THSD7A: variants seen among roughly 807,000 people sequenced by gnomAD.
THSD7A encodes the protein thrombospondin type 1 domain containing 7A.
In THSD7A, 96 loss-of-function variants were observed where a neutral mutation model predicts 231.3. The ratio of observed to expected loss-of-function variants is 0.41; its 90% CI spans 0.35 to 0.49. The LOEUF (loss-of-function observed/expected upper bound fraction) is 0.49, where lower values mean the gene tolerates loss of function less well. THSD7A is among the 20% of genes least tolerant of loss of function. THSD7A has a pLI of 0.05. For missense variants in THSD7A, 2,290 were observed against 2,070.2 expected (o/e 1.11, Z -2.06); for synonymous variants, 940 against 743.3 (o/e 1.26, Z -4.30).
At chr7:11,621,078 T>C (rs1781292285) in intron 2 of THSD7A, among the ~76,000 whole-genome samples, 1 of 152,220 alleles carries the variant, frequency 6.6e-6, no homozygotes, top group African/African-American at 2.4e-5. Flanking sequence ...TTAGGCAATG[T>C]TTTCTTTTCA....
At chr7:11,798,605 G>A (rs1261601608) in intron 1 of THSD7A, among the ~76,000 whole-genome samples, 1 of 151,780 alleles carries the variant, frequency 6.6e-6, no homozygotes, top group Non-Finnish European at 1.5e-5. Flanking sequence ...TAGGTGATTT[G>A]AACAATATTG....
chr7:11,788,777 G>A (rs1783865412), intron 1 of THSD7A, among the ~76,000 whole-genome samples: 1 of 151,664 alleles, frequency 6.6e-6, no homozygotes, highest in Non-Finnish European at 1.5e-5. Flanking sequence ...TGTAAAATGG[G>A]GACAATAATA....
intron 16 of THSD7A, 49 bp from the exon 17 acceptor site, chr7:11,417,652 A>G: frequency 6.4e-7 from 1 of 1,557,996 alleles, no homozygotes; most frequent in East Asian, 2.3e-5. Flanking sequence ...ACATTCTAGA[A>G]GTAAAGAAAA....
chr7:11,796,137 G>C (rs1784119274), intron 1 of THSD7A, among the ~76,000 whole-genome samples: 1 of 145,558 alleles, frequency 6.9e-6, no homozygotes, highest in Non-Finnish European at 1.5e-5. Context: ...AGGAAGCATT[G>C]ATTAATCTTC....
rs143026117 is a variant in THSD7A at position 11,384,885 on chromosome 7, C to G, written c.4412-2269G>C. ...TCTCAGATTACATTAACAACCTGTTCAAATTGCATAGATTTTATAGGTAAA... is the reference window on the plus strand; with the variant it reads ...TCTCAGATTACATTAACAACCTGTTGAAATTGCATAGATTTTATAGGTAAA... On this transcript the variant is annotated intron_variant, in intron 23 of 27. Coordinates refer to ENST00000423059, the MANE Select transcript of THSD7A (RefSeq NM_015204.3). 5.1e-4 allele frequency: 78 copies of G among 152,018 alleles called. No individual in the cohort carries two copies. The East Asian group carries it at 0.013, about 26-fold the overall frequency. The allele number at this position is 152,018 out of a possible 1,614,324, so 9.4% of individuals were successfully genotyped here.
At chr7:11,582,644 C>G (rs568545669) in intron 4 of THSD7A, among the ~76,000 whole-genome samples, 1 of 152,094 alleles carries the variant, frequency 6.6e-6, no homozygotes, top group South Asian at 2.1e-4. Context: ...TAAATTTTGC[C>G]CATACTTTTG....
intron 2 of THSD7A, among the ~76,000 whole-genome samples, chr7:11,614,603 T>C (rs1781043669): frequency 6.6e-6 from 1 of 152,236 alleles, no homozygotes; most frequent in South Asian, 2.1e-4. Context: ...AGCTGAAAGC[T>C]AAAGAAAAAT....
intron 10 of THSD7A, among the ~76,000 whole-genome samples, chr7:11,461,560 T>C (rs1785505952): frequency 6.6e-6 from 1 of 152,190 alleles, no homozygotes; most frequent in Non-Finnish European, 1.5e-5. Flanking sequence ...AACAGCCATC[T>C]TACCAGCATC....
chr7:11,531,788 C>T (rs907560712), intron 6 of THSD7A, among the ~76,000 whole-genome samples: 2 of 152,166 alleles, frequency 1.3e-5, no homozygotes, highest in Admixed American at 6.5e-5. Context: ...GTTTGGCTGG[C>T]ACTTCCGGGT....
At chr7:11,465,892 T>G (rs1168095947) in intron 9 of THSD7A, among the ~76,000 whole-genome samples, 3 of 152,180 alleles carry the variant, frequency 2.0e-5, no homozygotes, top group Non-Finnish European at 4.4e-5. Context: ...TATTTCTATT[T>G]TTTAAAATGC....
intron 1 of THSD7A, among the ~76,000 whole-genome samples, chr7:11,822,248 A>G (rs1784897771): frequency 6.6e-6 from 1 of 152,032 alleles, no homozygotes; most frequent in Non-Finnish European, 1.5e-5. Flanking sequence ...CATTCTCTAC[A>G]TCTATGTGTA....
chr7:11,793,823 A>G lies in THSD7A; in HGVS notation c.190+37934T>C, dbSNP rs964124949. ...GTTGGCATGTTGCTTTGGACTTCCA[A>G]TGTGGGTGTTTTATTTCTGATTTCT... On this transcript the variant is annotated intron_variant, in intron 1 of 27. Transcript: ENST00000423059. Among the ~76,000 whole-genome samples the G allele has an allele frequency of 2.2e-4, 34 of 152,058 alleles. 1 individual carries two copies. Among genetic ancestry groups the G allele is most frequent in the Non-Finnish European group, 1.3e-4 (9 of 67,878 alleles).
intron 4 of THSD7A, among the ~76,000 whole-genome samples, chr7:11,551,315 T>C (rs1789617966): frequency 6.6e-6 from 1 of 151,964 alleles, no homozygotes; most frequent in African/African-American, 2.4e-5. Context: ...CCCAAAATCA[T>C]TTGCCACAAA....
At chr7:11,470,697 T>C (rs1199984555) in intron 8 of THSD7A, among the ~76,000 whole-genome samples, 1 of 151,768 alleles carries the variant, frequency 6.6e-6, no homozygotes, top group Admixed American at 6.6e-5. Flanking sequence ...ACAATATCTT[T>C]TTTGAAACAA....
chr7:11,636,711 A>T lies in THSD7A; in HGVS notation c.441T>A (p.Ile147=), dbSNP rs765564799. 25 of 1,613,806 alleles carry T rather than the reference A, an allele frequency of 1.5e-5. No homozygotes were observed. The Admixed American group carries it at 3.8e-4, about 25-fold the overall frequency. ...SKSLEKPLEC[I]KGEEGIQVRE... is the part of the protein sequence containing the mutation. ...TCACCTGAATACCTTCTTCCCCCTTAATGCACTCAAGAGGTTTCTCTAGGC... is the reference window on the plus strand; with the variant it reads ...TCACCTGAATACCTTCTTCCCCCTTTATGCACTCAAGAGGTTTCTCTAGGC... Residue 147 remains isoleucine (I), a synonymous_variant, in exon 2 of 28, where the codon ATT becomes ATA. Transcript: ENST00000423059. The surrounding 1 kb of genome is among the most constrained non-coding windows in gnomAD (Gnocchi z 10.0).
At chr7:11,778,175 A>AAAAAAAAAAAAAAAAG (rs1783496787) in intron 1 of THSD7A, among the ~76,000 whole-genome samples, 1 of 147,370 alleles carries the variant, frequency 6.8e-6, no homozygotes, top group Non-Finnish European at 1.5e-5. Flanking sequence ...AAAAAAAAAA[A>AAAAAAAAAAAAAAAAG]AAAGAAAGCC....
chr7:11,461,379 A>G (rs1233637967), intron 10 of THSD7A, among the ~76,000 whole-genome samples: 1 of 152,216 alleles, frequency 6.6e-6, no homozygotes, highest in Non-Finnish European at 1.5e-5. Context: ...TTTTTCATTA[A>G]TTGATGCCAT....
At chr7:11,717,365 AT>A (rs1781176169) in intron 1 of THSD7A, among the ~76,000 whole-genome samples, 1 of 151,504 alleles carries the variant, frequency 6.6e-6, no homozygotes, top group Non-Finnish European at 1.5e-5. Flanking sequence ...GTTACAGCAC[AT>A]TTTGTTTCTC....
intron 2 of THSD7A, among the ~76,000 whole-genome samples, chr7:11,625,522 G>T (rs1442161354): frequency 2.0e-5 from 3 of 151,620 alleles, no homozygotes; most frequent in African/African-American, 7.3e-5. Context: ...TGAAACTTTT[G>T]GGAAAAAGCT....
Sources: gnomAD v4.1 joint callset for allele counts (sites outside exome capture counted in the v4.1 genomes callset) on GRCh38, gnomAD v4.1.1 for gene constraint, Gnocchi (gnomAD v3.1) non-coding constraint, MANE v1.5 for transcripts, NCBI Gene and HGNC (gene_info 2026-07-23, HGNC 2026-07-21) for gene names.